Variants in PGC observed in about 807,000 individuals in gnomAD.
PGC encodes progastricsin.
Under a neutral mutation model 45.9 loss-of-function variants are expected in PGC, and 31 were observed. That is an observed-to-expected ratio of 0.67 (90% CI 0.51 to 0.91). PGC has a LOEUF of 0.91. Ranked by LOEUF, PGC falls within the 40% of genes least tolerant of loss-of-function variation. The probability of loss-of-function intolerance (pLI) is 0.00; values close to 1 mark genes in which losing one functional copy is unlikely to be tolerated. For missense variants in PGC, 477 were observed against 493.2 expected, an observed-to-expected ratio of 0.97 and a Z score of 0.31; for synonymous variants, 192 against 201.8, an observed-to-expected ratio of 0.95 and a Z score of 0.41.
rs1272086988 is a variant in PGC, at chr6:41,741,406, A to G, written c.648-796T>C. Reference sequence around the variant, plus strand: ...CACACCTGTAATCCCAACACTTTGGAAGGCCGAGGCGGGTGGATCACCTGA... The same window carrying G: ...CACACCTGTAATCCCAACACTTTGGGAGGCCGAGGCGGGTGGATCACCTGA... On this transcript the variant is annotated intron_variant, in intron 5 of 8. Transcript: ENST00000373025. 2.6e-5 allele frequency among the ~76,000 whole-genome samples: 4 copies of G among 152,106 alleles called. No homozygotes were observed. The East Asian group carries it at 5.8e-4, about 22-fold the overall frequency.
intron 1 of PGC, among the ~76,000 whole-genome samples, chr6:41,745,890 C>T (rs1343758496): frequency 2.0e-5 from 3 of 150,674 alleles, no homozygotes; most frequent in East Asian, 2.1e-4. Flanking sequence ...AGGCCAGGCA[C>T]GGTAGCTCAC....
At position 41,743,216 on chromosome 6, in the gene PGC, G is replaced by A; in HGVS notation, c.447+55C>T. ...GTGTTTCAGGAGAGTCCATCTAACT[G>A]TCCCCTCCAGCTTATAGCTCACAGC... is the stretch of plus-strand genomic sequence containing the variant. On this transcript the variant is annotated intron_variant, in intron 4 of 8. Transcript: ENST00000373025. The A allele has an allele frequency of 2.9e-6, 3 of 1,045,702 alleles. No individual in the cohort carries two copies. In the South Asian group the frequency reaches 3.8e-5, roughly 13 times the overall value. The allele number at this position is 1,045,702 out of a possible 1,614,324, so 64.8% of individuals were successfully genotyped here. A position where few individuals can be genotyped will look rare whatever the true frequency, so the allele number is the denominator to read the frequency against.
At position 41,744,987 on chromosome 6, in the gene PGC, CTGTCTCTCTG is replaced by C. The variant is rs1348370225; in HGVS notation, c.60-189_60-180del. ...CCTTTTGCTCTCTGTCTCTGTCTGT[CTGTCTCTCTG>C]TGTGTGTGTGTGTGTGTGCGCGCGC... is the stretch of plus-strand genomic sequence containing the variant. On this transcript the variant is annotated intron_variant, in intron 1 of 8. Transcript: ENST00000373025. The surrounding 1 kb of genome is among the most constrained non-coding windows in gnomAD (Gnocchi z 4.4). Among the ~76,000 whole-genome samples the C allele has an allele frequency of 2.4e-5, 2 of 83,784 alleles. No homozygotes were observed. The highest frequency in any genetic ancestry group is 1.2e-4 in the African/African-American group (2 of 16,940). The allele number at this position is 83,784 out of a possible 152,430, so 55.0% of individuals were successfully genotyped here.
chr6:41,740,426 G>A (rs1308271603), intron 6 of PGC, 65 bp downstream of exon 6: 1 of 1,553,952 alleles, frequency 6.4e-7, no homozygotes, highest in Non-Finnish European at 8.7e-7. Context: ...GTGTGTGTGT[G>A]TGACATGGCC....
intron 4 of PGC, 91 bp from the exon 5 acceptor site, chr6:41,742,580 C>G (rs1453097020): frequency 1.1e-6 from 1 of 887,510 alleles, no homozygotes; most frequent in Non-Finnish European, 1.9e-6. Context: ...CTCTGTTCAT[C>G]CCTTCCTCAC....
At position 41,736,722 on chromosome 6, in the gene PGC, T is replaced by G; in HGVS notation, c.*130A>C. The G allele has an allele frequency of 2.0e-6, 2 of 983,004 alleles. No homozygotes were observed. Among genetic ancestry groups the G allele is most frequent in the Admixed American group, 1.8e-5 (1 of 55,202 alleles). 60.9% of individuals were successfully genotyped at this position (983,004 alleles called of 1,614,324 possible). Reference sequence around the variant, plus strand: ...CAGGATGACCAACATAAAGAAGAACTATTTATTATTAGAGAAAGTCCAGAG... The same window carrying G: ...CAGGATGACCAACATAAAGAAGAACGATTTATTATTAGAGAAAGTCCAGAG... On this transcript the variant is annotated 3_prime_UTR_variant, in exon 9 of 9. Coordinates refer to ENST00000373025, the MANE Select transcript of PGC (RefSeq NM_002630.4).
At chr6:41,743,587 C>T (rs1193654277) in intron 3 of PGC, among the ~76,000 whole-genome samples, 198 bp from the exon 4 acceptor site, 5 of 152,210 alleles carry the variant, frequency 3.3e-5, no homozygotes, top group African/African-American at 1.2e-4. Flanking sequence ...AAAGCCCCTT[C>T]TGACTTACAG....
In PGC at chr6:41,745,552, T is replaced by G. The variant is rs1331329642; in HGVS notation, c.60-744A>C. Among the ~76,000 whole-genome samples the G allele has an allele frequency of 4.7e-5, 7 of 149,304 alleles. No individual in the cohort carries two copies. The South Asian group carries it at 1.1e-3, about 23-fold the overall frequency. Reference sequence around the variant, plus strand: ...CGCACCTGGCCCAGGATATGTAGTTTTTTTTTTTTTTTTTGAGACAGAGTT... The same window carrying G: ...CGCACCTGGCCCAGGATATGTAGTTGTTTTTTTTTTTTTTGAGACAGAGTT... On this transcript the variant is annotated intron_variant, in intron 1 of 8. Transcript: ENST00000373025.
In PGC at chr6:41,743,356, G is replaced by A. The variant is rs922411548; in HGVS notation, c.362C>T (p.Ser121Phe). 7 of 1,613,926 alleles carry A rather than the reference G, an allele frequency of 4.3e-6. No homozygotes were observed. In the Admixed American group the frequency reaches 6.7e-5, roughly 15 times the overall value. Residue 121 changes from serine (S) to phenylalanine (F), a missense_variant, in exon 4 of 9, where the codon TCC (serine) becomes TTC (phenylalanine). Coordinates refer to ENST00000373025, the MANE Select transcript of PGC (RefSeq NM_002630.4). ...SHSRFNPSESSTYSTNGQTFS... is the reference protein window; with the variant it reads ...SHSRFNPSESFTYSTNGQTFS... ...GGTCTGCCCATTGGTGGAGTAGGTG[G>A]ACGACTCGCTGGGGTTGAAGCGGGA...
In PGC at chr6:41,747,325, T is replaced by A; in HGVS notation, c.10A>T (p.Met4Leu). The A allele has an allele frequency of 1.2e-6, 2 of 1,613,862 alleles. No individual in the cohort carries two copies. The highest frequency in any genetic ancestry group is 3.3e-5 in the Admixed American group (2 of 60,026). MKW[M>L]VVVLVCLQLL... ...TGGAGGCAGACCAAGACCACCACCA[T>A]CCACTTCATGATGCTGGTCCCCAAC... Residue 4 changes from methionine (M) to leucine (L), a missense_variant, in exon 1 of 9, where the codon ATG (methionine) becomes TTG (leucine). Met to Leu is a conservative substitution (Grantham distance 15). Coordinates refer to ENST00000373025, the MANE Select transcript of PGC (RefSeq NM_002630.4).
chr6:41,747,340 T>TG lies in PGC; in HGVS notation c.-7dup, dbSNP rs1432146063. On this transcript the variant is annotated 5_prime_UTR_variant, in exon 1 of 9. Transcript: ENST00000373025. ...ACCACCACCATCCACTTCATGATGC[T>TG]GGTCCCCAACTGGCCACAGAGGAAG... 2.5e-6 allele frequency: 4 copies of TG among 1,613,664 alleles called. No homozygotes were observed. Among genetic ancestry groups the TG allele is most frequent in the Non-Finnish European group, 3.4e-6 (4 of 1,179,686 alleles).
chr6:41,739,183 A>G (rs891869270), intron 7 of PGC, among the ~76,000 whole-genome samples: 1 of 152,206 alleles, frequency 6.6e-6, no homozygotes, highest in African/African-American at 2.4e-5. Flanking sequence ...TCAGCCCCAC[A>G]TTCCAGTCAT....
chr6:41,737,976 A>G (rs1026776762), intron 7 of PGC, 148 bp from the exon 8 acceptor site: 16 of 589,926 alleles, frequency 2.7e-5, no homozygotes, highest in Non-Finnish European at 4.9e-5. Context: ...TCCAAGGGAA[A>G]GTCCTGTGTA....
chr6:41,739,850 G>A lies in PGC; in HGVS notation c.864C>T (p.Tyr288=). The change falls in exon 7 of 9, where the codon TAC becomes TAT. Residue 288 remains tyrosine, a synonymous_variant. Transcript: ENST00000373025. ...CTGTGGCCTGCAGAAGAGCACTCATGTACTGCTGGGGCACAGTGAGCAGAG... is the reference window on the plus strand; with the variant it reads ...CTGTGGCCTGCAGAAGAGCACTCATATACTGCTGGGGCACAGTGAGCAGAG... The part of the protein sequence containing the change: ...GTSLLTVPQQ[Y]MSALLQATGA... The A allele has an allele frequency of 6.2e-7, 1 of 1,614,132 alleles. No individual in the cohort carries two copies. Among genetic ancestry groups the A allele is most frequent in the Non-Finnish European group, 8.5e-7 (1 of 1,179,960 alleles).
In PGC at chr6:41,737,832, C is replaced by A. The variant is rs750794307; in HGVS notation, c.916-4G>T. ...TGCTGTTACAGTTCACGAGAAACTG[C>A]AAGAGGAATAGGTCCCTGGTTAACT... On this transcript the variant is annotated splice_polypyrimidine_tract_variant and splice_region_variant and intron_variant, in intron 7 of 8. Transcript: ENST00000373025. The A allele has an allele frequency of 1.3e-6, 2 of 1,575,814 alleles. No homozygotes were observed. The highest frequency in any genetic ancestry group is 1.7e-6 in the Non-Finnish European group (2 of 1,145,492).
At chr6:41,747,245 C>G in intron 1 of PGC, 31 bp downstream of exon 1, 3 of 1,603,688 alleles carry the variant, frequency 1.9e-6, no homozygotes, top group Non-Finnish European at 2.6e-6. Context: ...CATCCAGGCT[C>G]CCTGCACCAG....
intron 1 of PGC, 83 bp downstream of exon 1, chr6:41,747,193 G>T (rs370827082): frequency 5.3e-5 from 60 of 1,135,120 alleles, no homozygotes; most frequent in South Asian, 3.3e-4. Flanking sequence ...GACAGGCAGG[G>T]TGTCCCCTGG....
In PGC at chr6:41,744,357, G is replaced by A; in HGVS notation, c.328+40C>T. 1 of 1,444,382 alleles carries A rather than the reference G, an allele frequency of 6.9e-7. No homozygotes were observed. The highest frequency in any genetic ancestry group is 1.2e-5 in the South Asian group (1 of 84,436). The allele number at this position is 1,444,382 out of a possible 1,614,324, so 89.5% of individuals were successfully genotyped here. A position where few individuals can be genotyped will look rare whatever the true frequency, so the allele number is the denominator to read the frequency against. Reference sequence around the variant, plus strand: ...CCTCCCCAGAGGGTATCAGTGCCTTGCCCTGCCAACCACCCCTCTCTGCCC... The same window carrying A: ...CCTCCCCAGAGGGTATCAGTGCCTTACCCTGCCAACCACCCCTCTCTGCCC... On this transcript the variant is annotated intron_variant, in intron 3 of 8. Transcript: ENST00000373025. The surrounding 1 kb of genome is among the most constrained non-coding windows in gnomAD (Gnocchi z 4.4).
At chr6:41,738,178 A>AAATATATATATACATATATATATG (rs1259246086) in intron 7 of PGC, among the ~76,000 whole-genome samples, 3 of 27,576 alleles carry the variant, frequency 1.1e-4, no homozygotes, top group African/African-American at 5.4e-4. Context: ...ATATATATAT[A>AAATATATATATACATATATATATG]CATATATATA....
Sources: gnomAD v4.1 joint callset for allele counts (sites outside exome capture counted in the v4.1 genomes callset) on GRCh38, gnomAD v4.1.1 for gene constraint, Gnocchi (gnomAD v3.1) non-coding constraint, MANE v1.5 for transcripts, NCBI Gene and HGNC (gene_info 2026-07-23, HGNC 2026-07-21) for gene names.